The following HCRTR2 variants were observed in gnomAD, a reference collection of about 807,000 sequenced individuals.
HCRTR2 encodes the protein orexin receptor type 2.
In HCRTR2, 22 loss-of-function variants were observed where a neutral mutation model predicts 49.0. The observed-to-expected ratio is 0.45, with a 90% CI of 0.32 to 0.64. HCRTR2 has a LOEUF of 0.64. Ranked by LOEUF, HCRTR2 falls within the 30% of genes least tolerant of loss-of-function variation. The pLI is 0.04. For synonymous variants in HCRTR2, 236 were observed against 205.3 expected (o/e 1.15, Z -1.28); for missense variants, 491 against 559.4 (o/e 0.88, Z 1.23).
chr6:55,219,256 T>C (rs1765845809), intron 1 of HCRTR2, among the ~76,000 whole-genome samples: 1 of 152,226 alleles, frequency 6.6e-6, no homozygotes, highest in Non-Finnish European at 1.5e-5. Context: ...ATTCTTCTAA[T>C]GCACACACAT....
chr6:55,204,348 C>A (rs558075368), intron 1 of HCRTR2, among the ~76,000 whole-genome samples: 16 of 152,306 alleles, frequency 1.1e-4, no homozygotes, highest in Non-Finnish European at 1.8e-4. Context: ...TGCTGACTAA[C>A]ATAATTTTTA....
chr6:55,271,112 G>T (rs1302181988), intron 4 of HCRTR2, among the ~76,000 whole-genome samples: 1 of 151,990 alleles, frequency 6.6e-6, no homozygotes, highest in Non-Finnish European at 1.5e-5. Flanking sequence ...TCTTGAAAAA[G>T]AAATGGAAAA....
At chr6:55,280,290 A>G in intron 5 of HCRTR2, 33 bp from the exon 6 acceptor site, 1 of 1,393,362 alleles carries the variant, frequency 7.2e-7, no homozygotes, top group Non-Finnish European at 1.0e-6. Flanking sequence ...TAATTATTTA[A>G]AAGACACTTT....
At chr6:55,283,573 A>C (rs564205151), downstream of HCRTR2, among the ~76,000 whole-genome samples, 1 of 152,308 alleles carries the variant, frequency 6.6e-6, no homozygotes, top group South Asian at 2.1e-4. Context: ...ATTTTGTAGA[A>C]AATGTAAGAT....
chr6:55,176,615 G>A (rs1270490890), intron 1 of HCRTR2, among the ~76,000 whole-genome samples: 2 of 152,066 alleles, frequency 1.3e-5, no homozygotes, highest in Non-Finnish European at 2.9e-5. Flanking sequence ...ACCCACATTA[G>A]CCAGAAGAAG....
chr6:55,186,019 T>G (rs1452361764), intron 1 of HCRTR2, among the ~76,000 whole-genome samples: 1 of 152,252 alleles, frequency 6.6e-6, no homozygotes, highest in Non-Finnish European at 1.5e-5. Flanking sequence ...TCATGTGCTG[T>G]GTGTGATAGC....
At position 55,235,222 on chromosome 6, in the gene HCRTR2, G is replaced by T. The variant is rs150895455; in HGVS notation, c.224-13417G>T. Among the ~76,000 whole-genome samples the T allele has an allele frequency of 1.8e-4, 27 of 152,056 alleles. No homozygotes were observed. The East Asian group carries it at 4.8e-3, about 27-fold the overall frequency. ...ATAGGAAGAGAGCTTCTGGGGTGCC[G>T]GTCATATTGTACTTCTCAGTCTGAA... On this transcript the variant is annotated intron_variant, in intron 1 of 6. Transcript: ENST00000370862.
At chr6:55,226,394 C>T (rs749615558) in intron 1 of HCRTR2, among the ~76,000 whole-genome samples, 27 of 152,126 alleles carry the variant, frequency 1.8e-4, no homozygotes, top group Non-Finnish European at 2.9e-4. Flanking sequence ...CTGCAACCTC[C>T]GACTCCCAAG....
At chr6:55,133,698 T>TATCTATC (rs1554167225) in intron 1 of HCRTR2, among the ~76,000 whole-genome samples, 29 of 140,004 alleles carry the variant, frequency 2.1e-4, no homozygotes, top group African/African-American at 9.2e-4. Context: ...TCTATCTATC[T>TATCTATC]ATCTATATCT....
chr6:55,185,799 G>A (rs2127275409), intron 1 of HCRTR2, among the ~76,000 whole-genome samples: 1 of 152,310 alleles, frequency 6.6e-6, no homozygotes, highest in South Asian at 2.1e-4. Flanking sequence ...TCCTTTGGAT[G>A]ATTGATCACT....
chr6:55,232,162 T>A (rs562984500), intron 1 of HCRTR2, among the ~76,000 whole-genome samples: 1 of 152,344 alleles, frequency 6.6e-6, no homozygotes, highest in African/African-American at 2.4e-5. Flanking sequence ...GCATCCCCTC[T>A]TTGTCAATGT....
At chr6:55,203,226 C>T (rs933710992) in intron 1 of HCRTR2, among the ~76,000 whole-genome samples, 11 of 152,126 alleles carry the variant, frequency 7.2e-5, no homozygotes, top group African/African-American at 2.4e-4. Flanking sequence ...ATTTGTACTT[C>T]GTTCCATACA....
intron 1 of HCRTR2, among the ~76,000 whole-genome samples, chr6:55,231,806 G>T (rs957671176): frequency 6.6e-6 from 1 of 152,044 alleles, no homozygotes; most frequent in Non-Finnish European, 1.5e-5. Flanking sequence ...CAATCTAGCT[G>T]TTTCTCTATT....
intron 1 of HCRTR2, among the ~76,000 whole-genome samples, chr6:55,144,150 TTGCCCAGGC>T (rs200027297): frequency 0.013 from 1,784 of 137,892 alleles, 25 homozygotes; most frequent in Non-Finnish European, 0.018. Context: ...TTCGCTGTTG[TTGCCCAGGC>T]TGGAGTCCAA....
chr6:55,118,249 G>A (rs1251418386), intron 1 of HCRTR2, among the ~76,000 whole-genome samples: 1 of 151,832 alleles, frequency 6.6e-6, no homozygotes, highest in Non-Finnish European at 1.5e-5. Context: ...TCTTATAACT[G>A]CATAGTATTT....
At chr6:55,270,680 A>T (rs1326324832) in intron 4 of HCRTR2, among the ~76,000 whole-genome samples, 1 of 152,188 alleles carries the variant, frequency 6.6e-6, no homozygotes, top group Non-Finnish European at 1.5e-5. Context: ...TTGTTTAAAG[A>T]CTATTTGTAT....
In HCRTR2 at chr6:55,186,603, C is replaced by T. The variant is rs117305174; in HGVS notation, c.223+11793C>T. Among the ~76,000 whole-genome samples, 191 of 152,246 alleles carry T rather than the reference C, an allele frequency of 1.3e-3. 2 individuals carry two copies. The highest frequency in any genetic ancestry group is 9.8e-3 in the East Asian group (51 of 5,184). ...TACACCAAGATTTCTTTAAATGATACGCTATATTTCTGCAATAACTGAGAA... is the reference window on the plus strand; with the variant it reads ...TACACCAAGATTTCTTTAAATGATATGCTATATTTCTGCAATAACTGAGAA... On this transcript the variant is annotated intron_variant, in intron 1 of 6. Transcript: ENST00000370862.
chr6:55,224,555 G>A (rs1014555179), intron 1 of HCRTR2, among the ~76,000 whole-genome samples: 1 of 151,884 alleles, frequency 6.6e-6, no homozygotes, highest in South Asian at 2.1e-4. Context: ...CCCGGGAGGC[G>A]GAGCTTGCAG....
intron 1 of HCRTR2, among the ~76,000 whole-genome samples, chr6:55,198,845 T>G (rs1765462675): frequency 6.6e-6 from 1 of 152,186 alleles, no homozygotes; most frequent in South Asian, 2.1e-4. Context: ...GCCATCAGGA[T>G]CCAATCTGTC....
Sources: allele counts gnomAD v4.1 joint callset (sites outside exome capture counted in the v4.1 genomes callset), GRCh38; gene constraint gnomAD v4.1.1; transcripts MANE v1.5; gene names NCBI Gene and HGNC (gene_info 2026-07-23, HGNC 2026-07-21).